Variants in PDZRN3 observed in about 807,000 individuals in gnomAD.
PDZRN3 encodes the protein E3 ubiquitin-protein ligase PDZRN3.
In PDZRN3, 38 loss-of-function variants were observed where a neutral mutation model predicts 85.7. The ratio of observed to expected loss-of-function variants is 0.44; its 90% CI spans 0.34 to 0.58. The LOEUF is 0.58. PDZRN3 is among the 20% of genes least tolerant of loss of function. The probability of loss-of-function intolerance (pLI) is 0.01; values close to 1 mark genes in which losing one functional copy is unlikely to be tolerated. For synonymous variants in PDZRN3, 759 were observed against 638.0 expected, an observed-to-expected ratio of 1.19 and a Z score of -2.86; for missense variants, 1,629 against 1,506.4, an observed-to-expected ratio of 1.08 and a Z score of -1.35.
intron 3 of PDZRN3, among the ~76,000 whole-genome samples, chr3:73,445,024 C>A (rs911460698): frequency 1.3e-5 from 2 of 152,164 alleles, no homozygotes; most frequent in African/African-American, 4.8e-5. Context: ...AGGCCTGTGA[C>A]TGGCGTGTAG....
chr3:73,619,875 C>A (rs75811453), intron 1 of PDZRN3, among the ~76,000 whole-genome samples: 1 of 152,146 alleles, frequency 6.6e-6, no homozygotes, highest in East Asian at 1.9e-4. Context: ...TGAAGAGGAG[C>A]AAGAAGATTT....
chr3:73,497,191 G>A (rs2106675142), intron 3 of PDZRN3, among the ~76,000 whole-genome samples: 1 of 152,132 alleles, frequency 6.6e-6, no homozygotes, highest in Non-Finnish European at 1.5e-5. Context: ...TTGCTTCCCT[G>A]TTCTGTCTGC....
chr3:73,609,039 T>A (rs965659655), intron 1 of PDZRN3, among the ~76,000 whole-genome samples: 1 of 152,150 alleles, frequency 6.6e-6, no homozygotes, highest in Non-Finnish European at 1.5e-5. Context: ...CTACTTTCTG[T>A]TTGTTTCTCA....
chr3:73,613,169 T>C (rs1459394435), intron 1 of PDZRN3, among the ~76,000 whole-genome samples: 1 of 152,116 alleles, frequency 6.6e-6, no homozygotes, highest in African/African-American at 2.4e-5. Flanking sequence ...AGGGGACCAG[T>C]GGAGTGACCA....
chr3:73,478,674 A>G (rs1380880537), intron 3 of PDZRN3, among the ~76,000 whole-genome samples: 1 of 152,202 alleles, frequency 6.6e-6, no homozygotes, highest in East Asian at 1.9e-4. Flanking sequence ...CTTCCATGAA[A>G]CTAGTCCCTG....
intron 3 of PDZRN3, among the ~76,000 whole-genome samples, chr3:73,513,578 TTC>T (rs1182176633): frequency 6.6e-6 from 1 of 152,192 alleles, no homozygotes; most frequent in African/African-American, 2.4e-5. Context: ...AGCCACTGTT[TTC>T]TCTCTCTACA....
At chr3:73,605,954 A>G (rs1702594127) in intron 2 of PDZRN3, among the ~76,000 whole-genome samples, 2 of 152,262 alleles carry the variant, frequency 1.3e-5, no homozygotes, top group South Asian at 2.1e-4. Flanking sequence ...TAACTTAGAC[A>G]TGCTCTTTGA....
intron 1 of PDZRN3, 112 bp downstream of exon 1, chr3:73,623,991 A>G: frequency 9.4e-7 from 1 of 1,068,912 alleles, no homozygotes; most frequent in South Asian, 2.0e-5. Flanking sequence ...AGAGGGAGGA[A>G]GCAAGGATGT....
At chr3:73,385,895 A>G (rs956656725) in intron 8 of PDZRN3, 110 bp from the exon 9 acceptor site, 5 of 679,764 alleles carry the variant, frequency 7.4e-6, no homozygotes, top group Admixed American at 2.3e-5. Context: ...GGCTTCCTCC[A>G]AGAGTCATCA....
intron 3 of PDZRN3, among the ~76,000 whole-genome samples, chr3:73,469,356 C>CG (rs1470799334): frequency 6.6e-6 from 1 of 152,214 alleles, no homozygotes; most frequent in Non-Finnish European, 1.5e-5. Flanking sequence ...CAGGCGTGAG[C>CG]CACCACTCCC....
chr3:73,573,898 C>T (rs1333832083), intron 3 of PDZRN3, among the ~76,000 whole-genome samples: 2 of 152,144 alleles, frequency 1.3e-5, no homozygotes, highest in East Asian at 1.9e-4. Context: ...TATTGTACCA[C>T]TTTAAAAAAA....
rs760094917 is a variant in PDZRN3 at position 73,608,623 on chromosome 3, T to A, written c.785A>T (p.Asn262Ile). ...LHRDSGSLGFNIIGGRPSVDN... is the reference protein window; with the variant it reads ...LHRDSGSLGFIIIGGRPSVDN... Reference sequence around the variant, plus strand: ...CACACTCGGCCGGCCACCAATAATATTGAATCCCAGGGAGCCGGAGTCCCG... The same window carrying A: ...CACACTCGGCCGGCCACCAATAATAATGAATCCCAGGGAGCCGGAGTCCCG... Residue 262 changes from asparagine to isoleucine, a missense_variant, in exon 2 of 10, where the codon AAT (asparagine) becomes ATT (isoleucine). Coordinates refer to ENST00000263666, the MANE Select transcript of PDZRN3 (RefSeq NM_015009.3). The A allele has an allele frequency of 6.2e-7, 1 of 1,612,570 alleles. No homozygotes were observed. The highest frequency in any genetic ancestry group is 2.2e-5 in the East Asian group (1 of 44,848).
intron 3 of PDZRN3, among the ~76,000 whole-genome samples, chr3:73,532,483 C>A (rs775165472): frequency 6.6e-6 from 1 of 152,240 alleles, no homozygotes; most frequent in African/African-American, 2.4e-5. Context: ...GTGCGCCAGG[C>A]ATTGTGCTGA....
intron 1 of PDZRN3, chr3:73,623,900 G>A (rs1352263778): frequency 3.2e-5 from 15 of 466,858 alleles, no homozygotes; most frequent in Middle Eastern, 1.1e-3. Context: ...GTTACGTCTA[G>A]ACTATAAAGG....
At chr3:73,521,127 G>A (rs1390101293) in intron 3 of PDZRN3, among the ~76,000 whole-genome samples, 1 of 152,142 alleles carries the variant, frequency 6.6e-6, no homozygotes, top group Admixed American at 6.5e-5. Context: ...AGACAGGCAC[G>A]GGGAAGTGCT....
At chr3:73,604,318 A>G (rs1453434923) in intron 2 of PDZRN3, among the ~76,000 whole-genome samples, 1 of 152,240 alleles carries the variant, frequency 6.6e-6, no homozygotes, top group African/African-American at 2.4e-5. Flanking sequence ...TACCAGGTAC[A>G]TAGTGAGTGC....
chr3:73,483,667 C>T (rs541927847), intron 3 of PDZRN3, among the ~76,000 whole-genome samples: 1 of 152,228 alleles, frequency 6.6e-6, no homozygotes, highest in Non-Finnish European at 1.5e-5. Flanking sequence ...ATGACAACTA[C>T]AACCCAATCA....
chr3:73,434,317 T>C (rs772677626), intron 3 of PDZRN3, among the ~76,000 whole-genome samples: 2 of 152,232 alleles, frequency 1.3e-5, no homozygotes, highest in Admixed American at 6.5e-5. Context: ...ATAAAATGTA[T>C]TTAATGCTGC....
chr3:73,456,887 A>G (rs746537978), intron 3 of PDZRN3, among the ~76,000 whole-genome samples: 1 of 152,040 alleles, frequency 6.6e-6, no homozygotes, highest in Non-Finnish European at 1.5e-5. Context: ...TGTGCTACGA[A>G]TTTCTTCTGC....
Sources: allele counts gnomAD v4.1 joint callset (sites outside exome capture counted in the v4.1 genomes callset), GRCh38; gene constraint gnomAD v4.1.1; transcripts MANE v1.5; gene names NCBI Gene and HGNC (gene_info 2026-07-23, HGNC 2026-07-21).